MCC: variants seen among roughly 807,000 people sequenced by gnomAD.
MCC encodes the protein MCC regulator of Wnt signaling pathway.
Under a neutral mutation model 116.2 loss-of-function variants are expected in MCC, and 90 were observed. The ratio of observed to expected loss-of-function variants is 0.77; its 90% CI spans 0.65 to 0.92. The LOEUF (loss-of-function observed/expected upper bound fraction) is 0.92. MCC is among the 40% of genes least tolerant of loss of function. MCC has a pLI of 0.00. For missense variants in MCC, 1,516 were observed against 1,312.2 expected (o/e 1.16, Z -2.40); for synonymous variants, 578 against 510.5 (o/e 1.13, Z -1.78).
intron 13 of MCC, among the ~76,000 whole-genome samples, chr5:113,065,064 AG>A (rs1310060638): frequency 1.3e-5 from 2 of 152,164 alleles, no homozygotes; most frequent in African/African-American, 4.8e-5. Flanking sequence ...GAATAGGTGG[AG>A]CCAGAGAACT....
intron 3 of MCC, among the ~76,000 whole-genome samples, chr5:113,203,901 C>CA (rs1189301667): frequency 6.6e-6 from 1 of 152,166 alleles, no homozygotes; most frequent in East Asian, 1.9e-4. Flanking sequence ...TAAAAAAAGT[C>CA]ACCAAGATTG....
At chr5:113,487,174 GA>G (rs1730182972) in intron 1 of MCC, among the ~76,000 whole-genome samples, 2 of 150,414 alleles carry the variant, frequency 1.3e-5, no homozygotes. Flanking sequence ...TATTTTAAGG[GA>G]AAAATTCCGC....
At chr5:113,268,809 C>A (rs985788997) in intron 3 of MCC, among the ~76,000 whole-genome samples, 1 of 152,058 alleles carries the variant, frequency 6.6e-6, no homozygotes, top group African/African-American at 2.4e-5. Context: ...CTAGAATGTC[C>A]AAGCACTGAG....
At chr5:113,179,210 T>A (rs1028169395) in intron 3 of MCC, among the ~76,000 whole-genome samples, 1 of 152,178 alleles carries the variant, frequency 6.6e-6, no homozygotes, top group Non-Finnish European at 1.5e-5. Flanking sequence ...TATAGCACCA[T>A]TAATCTTATG....
At chr5:113,119,122 C>T (rs562864681) in intron 6 of MCC, among the ~76,000 whole-genome samples, 106 of 152,368 alleles carry the variant, frequency 7.0e-4, no homozygotes, top group Middle Eastern at 6.8e-3. Flanking sequence ...TCTTTCACTG[C>T]TGCTCAAGTA....
At position 113,258,241 on chromosome 5, in the gene MCC, C is replaced by T. The variant is rs553995066; in HGVS notation, c.627+82278G>A. 3.9e-5 allele frequency among the ~76,000 whole-genome samples: 6 copies of T among 152,306 alleles called. 1 individual carries two copies. In the South Asian group the frequency reaches 1.2e-3, roughly 32 times the overall value. On this transcript the variant is annotated intron_variant, in intron 3 of 18. Transcript: ENST00000408903. Reference sequence around the variant, plus strand: ...TATAATAACATTAATATAACATGTGCTTATGTGTATACTGAATTGTGATGT... The same window carrying T: ...TATAATAACATTAATATAACATGTGTTTATGTGTATACTGAATTGTGATGT...
At chr5:113,457,623 C>G (rs903498152) in intron 1 of MCC, among the ~76,000 whole-genome samples, 1 of 152,202 alleles carries the variant, frequency 6.6e-6, no homozygotes, top group Non-Finnish European at 1.5e-5. Flanking sequence ...CTGGTGGGGC[C>G]TTGGAGAACC....
intron 1 of MCC, among the ~76,000 whole-genome samples, chr5:113,471,921 T>C (rs534136975): frequency 2.0e-5 from 3 of 152,078 alleles, no homozygotes; most frequent in South Asian, 2.1e-4. Context: ...ACTGCTGTGG[T>C]AGCAATGAGT....
At chr5:113,304,699 A>G (rs1766941469) in intron 3 of MCC, among the ~76,000 whole-genome samples, 1 of 152,096 alleles carries the variant, frequency 6.6e-6, no homozygotes, top group South Asian at 2.1e-4. Context: ...TCTTTAAACT[A>G]TATCACATTT....
intron 1 of MCC, among the ~76,000 whole-genome samples, chr5:113,484,449 A>G (rs1244707986): frequency 6.6e-6 from 1 of 152,168 alleles, no homozygotes; most frequent in Admixed American, 6.5e-5. Flanking sequence ...TGTGCTAAGT[A>G]CTGAGTACAC....
rs1750380174 is a variant in MCC at position 113,024,380 on chromosome 5, C to G, written c.*2922G>C. ...AGCTGGTAAGCTCACACTGATGGCA[C>G]TCGCAACTACGGACAGAAGTCTCTT... is the stretch of plus-strand genomic sequence containing the variant. On this transcript the variant is annotated 3_prime_UTR_variant, in exon 19 of 19. Coordinates refer to ENST00000408903, the MANE Select transcript of MCC (RefSeq NM_001085377.2). 2 of 152,210 alleles carry G rather than the reference C, an allele frequency of 1.3e-5. No individual in the cohort carries two copies. Among genetic ancestry groups the G allele is most frequent in the Non-Finnish European group, 2.9e-5 (2 of 68,036 alleles). The allele number at this position is 152,210 out of a possible 1,614,324, so 9.4% of individuals were successfully genotyped here.
intron 1 of MCC, among the ~76,000 whole-genome samples, chr5:113,404,104 T>C (rs931743077): frequency 6.6e-6 from 1 of 152,090 alleles, no homozygotes. Flanking sequence ...TGACCTCAGG[T>C]GATCTGCCCG....
intron 8 of MCC, among the ~76,000 whole-genome samples, chr5:113,100,395 G>T (rs1416149671): frequency 6.6e-6 from 1 of 150,532 alleles, no homozygotes; most frequent in Non-Finnish European, 1.5e-5. Flanking sequence ...TATTTACAAG[G>T]TCTTTTTTAT....
intron 3 of MCC, among the ~76,000 whole-genome samples, chr5:113,319,431 C>T (rs13361059): frequency 0.089 from 13,583 of 152,132 alleles, 1,427 homozygotes; most frequent in African/African-American, 0.26. Context: ...CGTATGATAC[C>T]GTCCTATTTG....
At chr5:113,310,342 C>G (rs915904071) in intron 3 of MCC, among the ~76,000 whole-genome samples, 3 of 152,202 alleles carry the variant, frequency 2.0e-5, no homozygotes, top group African/African-American at 7.2e-5. Context: ...GGGGTGCCAA[C>G]TTGGAAGCAG....
At chr5:113,446,362 C>G (rs1195371161) in intron 1 of MCC, among the ~76,000 whole-genome samples, 3 of 152,102 alleles carry the variant, frequency 2.0e-5, no homozygotes, top group African/African-American at 7.2e-5. Context: ...TGATGACAGT[C>G]TAATATCCAG....
At chr5:113,289,188 G>A (rs575958196) in intron 3 of MCC, among the ~76,000 whole-genome samples, 15 of 151,960 alleles carry the variant, frequency 9.9e-5, no homozygotes, top group African/African-American at 2.4e-4. Context: ...AAAATTAGCC[G>A]GGAGTGGTGG....
intron 3 of MCC, among the ~76,000 whole-genome samples, chr5:113,239,420 TG>T (rs1764277024): frequency 6.6e-6 from 1 of 152,156 alleles, no homozygotes; most frequent in Non-Finnish European, 1.5e-5. Context: ...GGTCCTCGCA[TG>T]CAGCAGAGTT....
In MCC at chr5:113,300,654, T is replaced by C. The variant is rs527987778; in HGVS notation, c.627+39865A>G. Among the ~76,000 whole-genome samples the C allele has an allele frequency of 2.0e-5, 3 of 152,184 alleles. No homozygotes were observed. In the East Asian group the frequency reaches 5.8e-4, roughly 29 times the overall value. On this transcript the variant is annotated intron_variant, in intron 3 of 18. Coordinates refer to ENST00000408903, the MANE Select transcript of MCC (RefSeq NM_001085377.2). The stretch of plus-strand genomic sequence containing the variant: ...CATAAAAATTAGGGAGCCCTCAAAG[T>C]ACATACTCCAAAGAATTTCCTGCCC...
Sources: allele counts gnomAD v4.1 joint callset (sites outside exome capture counted in the v4.1 genomes callset), GRCh38; gene constraint gnomAD v4.1.1; transcripts MANE v1.5; gene names NCBI Gene and HGNC (gene_info 2026-07-23, HGNC 2026-07-21).